The following DIO2 variants were observed in gnomAD, a reference collection of about 807,000 sequenced individuals.
DIO2 encodes the protein iodothyronine deiodinase 2.
A neutral mutation model predicts 21.4 loss-of-function variants in DIO2; 19 were observed. The observed-to-expected ratio is 0.89, with a 90% CI of 0.62 to 1.30. The LOEUF is 1.30. Among genes scored for constraint, DIO2 ranks in the 50% most tolerant of loss-of-function variants. The pLI, the probability that DIO2 is intolerant of heterozygous loss-of-function variation, is 0.00. For synonymous variants in DIO2, 122 were observed against 132.9 expected, an observed-to-expected ratio of 0.92 and a Z score of 0.57; for missense variants, 302 against 338.1, an observed-to-expected ratio of 0.89 and a Z score of 0.84.
At chr14:80,215,535 C>A (rs1209869565), upstream of DIO2, among the ~76,000 whole-genome samples, 1 of 152,164 alleles carries the variant, frequency 6.6e-6, no homozygotes, top group Non-Finnish European at 1.5e-5. Context: ...CAACTCATAC[C>A]ATGGACTTTC....
intron 2 of DIO2, among the ~76,000 whole-genome samples, chr14:80,220,043 TG>T (rs1162882408): frequency 2.6e-4 from 6 of 23,392 alleles, no homozygotes; most frequent in Admixed American, 5.4e-4. Flanking sequence ...TCTTGTTTTG[TG>T]TGTGTGTGTG....
intron 2 of DIO2, among the ~76,000 whole-genome samples, chr14:80,229,646 T>A (rs1160618320): frequency 6.6e-6 from 1 of 152,210 alleles, no homozygotes; most frequent in East Asian, 1.9e-4. Context: ...CAGGCATTTC[T>A]AGCTCGCTCA....
At chr14:80,227,861 T>C (rs996181569) in intron 2 of DIO2, among the ~76,000 whole-genome samples, 2 of 152,174 alleles carry the variant, frequency 1.3e-5, no homozygotes, top group Non-Finnish European at 2.9e-5. Context: ...AAAATCCAAA[T>C]AGACCCACTA....
chr14:80,201,903 C>T lies in DIO2; in HGVS notation c.*786G>A, dbSNP rs932778570. On this transcript the variant is annotated 3_prime_UTR_variant, in exon 2 of 2. Coordinates refer to ENST00000438257, the MANE Select transcript of DIO2 (RefSeq NM_013989.5). ...GGCCTTGTGTATGTTTCTATGTTTC[C>T]GTGGCTAACAAATGTGACCCACTCT... The T allele has an allele frequency of 4.5e-5, 7 of 154,840 alleles. No individual in the cohort carries two copies. The highest frequency in any genetic ancestry group is 5.7e-5 in the Non-Finnish European group (4 of 70,118). The allele number at this position is 154,840 out of a possible 1,614,324, so 9.6% of individuals were successfully genotyped here. A position where few individuals can be genotyped will look rare whatever the true frequency, so the allele number is the denominator to read the frequency against.
intron 2 of DIO2, among the ~76,000 whole-genome samples, chr14:80,226,226 T>C (rs1301505424): frequency 6.6e-6 from 1 of 152,184 alleles, no homozygotes; most frequent in African/African-American, 2.4e-5. Context: ...GGTATCGTAA[T>C]TGTGACTTCA....
Position 80,203,295 on chromosome 14 carries a change from G to A in DIO2, c.223-7C>T, listed in dbSNP as rs757191146. The A allele has an allele frequency of 7.9e-6, 11 of 1,397,836 alleles. No individual in the cohort carries two copies. In the Admixed American group the frequency reaches 9.6e-5, roughly 12 times the overall value. 86.6% of individuals were successfully genotyped at this position (1,397,836 alleles called of 1,614,324 possible). A position where few individuals can be genotyped will look rare whatever the true frequency, so the allele number is the denominator to read the frequency against. ...CATCCTCACCCAATTTCACCTGACG[G>A]TAAAAAAAAAAAAAAAGAAGAAGAA... is the stretch of plus-strand genomic sequence containing the variant. On this transcript the variant is annotated splice_region_variant and splice_polypyrimidine_tract_variant and intron_variant, in intron 1 of 1. Coordinates refer to ENST00000438257, the MANE Select transcript of DIO2 (RefSeq NM_013989.5).
At chr14:80,205,634 C>CT (rs758926851) in intron 1 of DIO2, 2 of 1,331,858 alleles carry the variant, frequency 1.5e-6, no homozygotes, top group Non-Finnish European at 2.0e-6. Flanking sequence ...GTTAAGGCAC[C>CT]TTCTCCTTCT....
At chr14:80,215,561 C>T (rs932431397), upstream of DIO2, among the ~76,000 whole-genome samples, 2 of 152,140 alleles carry the variant, frequency 1.3e-5, no homozygotes, top group Non-Finnish European at 2.9e-5. Context: ...GCCTTTGTTT[C>T]GTGGAATTTT....
chr14:80,225,017 G>C (rs1192140226), intron 2 of DIO2, among the ~76,000 whole-genome samples: 1 of 152,192 alleles, frequency 6.6e-6, no homozygotes, highest in South Asian at 2.1e-4. Flanking sequence ...ACAGGAGAAA[G>C]ATGTAGTCTG....
chr14:80,203,143 G>A lies in DIO2; in HGVS notation c.368C>T (p.Pro123Leu), dbSNP rs770130685. Residue 123 changes from proline to leucine, a missense_variant, in exon 2 of 2, where the codon CCA (proline) becomes CTA (leucine). Transcript: ENST00000438257. Reference sequence around the variant, plus strand: ...GGCTGAGCCAAAGTTGACCACTAGTGGGCGCTCAGGGCTGGCAAAGTCAAG... The same window carrying A: ...GGCTGAGCCAAAGTTGACCACTAGTAGGCGCTCAGGGCTGGCAAAGTCAAG... ...HLLDFASPERPLVVNFGSATU... is the reference protein window; with the variant it reads ...HLLDFASPERLLVVNFGSATU... The A allele has an allele frequency of 6.2e-7, 1 of 1,613,090 alleles. No individual in the cohort carries two copies. Among genetic ancestry groups the A allele is most frequent in the Non-Finnish European group, 8.5e-7 (1 of 1,179,540 alleles).
At chr14:80,227,312 A>G (rs980001298) in intron 2 of DIO2, among the ~76,000 whole-genome samples, 5 of 152,156 alleles carry the variant, frequency 3.3e-5, no homozygotes, top group African/African-American at 1.2e-4. Context: ...TGGGCATTTG[A>G]GCCACTTTCT....
intron 1 of DIO2, among the ~76,000 whole-genome samples, chr14:80,210,262 C>CA (rs1888123110): frequency 6.6e-6 from 1 of 152,262 alleles, no homozygotes; most frequent in South Asian, 2.1e-4. Flanking sequence ...GGAAAACTGA[C>CA]AAAAGACCAG....
intron 1 of DIO2, among the ~76,000 whole-genome samples, chr14:80,203,688 T>C (rs1160513059): frequency 1.3e-5 from 2 of 152,250 alleles, no homozygotes; most frequent in Non-Finnish European, 1.5e-5. Context: ...TGGTCTACTT[T>C]AAGACAAATT....
At chr14:80,217,017 G>C (rs1476659768) in intron 2 of DIO2, among the ~76,000 whole-genome samples, 1 of 152,146 alleles carries the variant, frequency 6.6e-6, no homozygotes, top group Non-Finnish European at 1.5e-5. Context: ...CCATTTCAGA[G>C]GTAATGGTGT....
At position 80,200,276 on chromosome 14, in the gene DIO2, T is replaced by G. The variant is rs1887663621; in HGVS notation, c.*2413A>C. 6.6e-6 allele frequency: 1 copy of G among 152,608 alleles called. No homozygotes were observed. The highest frequency in any genetic ancestry group is 1.5e-5 in the Non-Finnish European group (1 of 68,028). The allele number at this position is 152,608 out of a possible 1,614,324, so 9.5% of individuals were successfully genotyped here. Reference sequence around the variant, plus strand: ...TAGCCCATGTCTTTCTATGTTTCCTTCCTCTGCTTCATTTCTCCATTGGGC... The same window carrying G: ...TAGCCCATGTCTTTCTATGTTTCCTGCCTCTGCTTCATTTCTCCATTGGGC... On this transcript the variant is annotated 3_prime_UTR_variant, in exon 2 of 2. Coordinates refer to ENST00000438257, the MANE Select transcript of DIO2 (RefSeq NM_013989.5).
chr14:80,205,832 T>A (rs534525612), intron 1 of DIO2: 34 of 671,436 alleles, frequency 5.1e-5, no homozygotes, highest in Middle Eastern at 5.5e-4. Context: ...TGGGAAGTAT[T>A]TATTTTATTG....
chr14:80,202,439 CCT>C lies in DIO2; in HGVS notation c.*248_*249del. On this transcript the variant is annotated 3_prime_UTR_variant, in exon 2 of 2. Coordinates refer to ENST00000438257, the MANE Select transcript of DIO2 (RefSeq NM_013989.5). Reference sequence around the variant, plus strand: ...AACACATGCTGAATTAGCGTTTCTTCCTCTCCATCTTGGGATCTTTTCACATA... The same window carrying C: ...AACACATGCTGAATTAGCGTTTCTTCCTCCATCTTGGGATCTTTTCACATA... 1 of 719,814 alleles carries C rather than the reference CCT, an allele frequency of 1.4e-6. No individual in the cohort carries two copies. Among genetic ancestry groups the C allele is most frequent in the Non-Finnish European group, 2.6e-6 (1 of 390,588 alleles). The allele number at this position is 719,814 out of a possible 1,614,324, so 44.6% of individuals were successfully genotyped here.
intron 1 of DIO2, among the ~76,000 whole-genome samples, chr14:80,210,965 C>T (rs1183487057): frequency 6.6e-6 from 1 of 152,170 alleles, no homozygotes; most frequent in South Asian, 2.1e-4. Flanking sequence ...CCCAAGTTAT[C>T]GTACCAGCAC....
intron 2 of DIO2, among the ~76,000 whole-genome samples, chr14:80,218,320 A>G (rs1337534855): frequency 6.6e-6 from 1 of 152,160 alleles, no homozygotes; most frequent in Admixed American, 6.5e-5. Flanking sequence ...ACTTGATGGA[A>G]ACTTTGGATG....
Sources: gnomAD v4.1 joint callset for allele counts (sites outside exome capture counted in the v4.1 genomes callset) on GRCh38, gnomAD v4.1.1 for gene constraint, MANE v1.5 for transcripts, NCBI Gene and HGNC (gene_info 2026-07-23, HGNC 2026-07-21) for gene names.